RAB31: variants seen among roughly 807,000 people sequenced by gnomAD.
RAB31 encodes the protein ras-related protein Rab-31.
RAB31 carries 21 observed loss-of-function variants against 25.6 expected under a neutral mutation model. That is an observed-to-expected ratio of 0.82 (90% CI 0.58 to 1.18). RAB31 has a LOEUF of 1.18. RAB31 is among the 50% of genes most tolerant of loss of function. The pLI is 0.00. For synonymous variants in RAB31, 87 were observed against 84.0 expected, an observed-to-expected ratio of 1.04 and a Z score of -0.20; for missense variants, 196 against 250.1, an observed-to-expected ratio of 0.78 and a Z score of 1.46.
At chr18:9,748,211 A>G (rs1053906745) in intron 1 of RAB31, among the ~76,000 whole-genome samples, 2 of 152,002 alleles carry the variant, frequency 1.3e-5, no homozygotes, top group African/African-American at 4.8e-5. Context: ...AAAACATTAT[A>G]TTTGTCTGGG....
At chr18:9,721,867 C>T (rs1185050125) in intron 1 of RAB31, among the ~76,000 whole-genome samples, 1 of 151,894 alleles carries the variant, frequency 6.6e-6, no homozygotes, top group Admixed American at 6.6e-5. Flanking sequence ...AGGAAGGGCC[C>T]TGGGCATGCT....
chr18:9,739,763 C>T lies in RAB31; in HGVS notation c.39+31319C>T, dbSNP rs933220324. Among the ~76,000 whole-genome samples the T allele has an allele frequency of 7.2e-5, 11 of 152,288 alleles. 1 individual carries two copies. In the South Asian group the frequency reaches 2.3e-3, roughly 32 times the overall value. On this transcript the variant is annotated intron_variant, in intron 1 of 6. Transcript: ENST00000578921. ...GCTTGTGGGGTCATCACATTGTATA[C>T]TCTCCTGTCCTGTGTGCCAGCACCT...
Position 9,852,016 on chromosome 18 carries a change from G to A in RAB31, c.490+6325G>A, listed in dbSNP as rs943660799. ...ATTATTCCAAGAATATATCCTTCTT[G>A]GAAGGATACATATCAAAATGTTAAC... On this transcript the variant is annotated intron_variant, in intron 6 of 6. Transcript: ENST00000578921. Among the ~76,000 whole-genome samples, 8 of 150,724 alleles carry A rather than the reference G, an allele frequency of 5.3e-5. No individual in the cohort carries two copies. In the East Asian group the frequency reaches 1.4e-3, roughly 26 times the overall value.
intron 5 of RAB31, among the ~76,000 whole-genome samples, chr18:9,825,130 AG>A (rs1375636411): frequency 6.6e-6 from 1 of 152,186 alleles, no homozygotes; most frequent in African/African-American, 2.4e-5. Context: ...CAGAGTTGCA[AG>A]AAAATAAGAA....
At chr18:9,778,053 T>A (rs1233401221) in intron 2 of RAB31, among the ~76,000 whole-genome samples, 2 of 152,096 alleles carry the variant, frequency 1.3e-5, no homozygotes, top group Admixed American at 1.3e-4. Context: ...GCACCCGGCC[T>A]GTAATGACCT....
Position 9,708,485 on chromosome 18 carries a change from G to A in RAB31, c.39+41G>A. On this transcript the variant is annotated intron_variant, in intron 1 of 6. Transcript: ENST00000578921. The surrounding 1 kb of genome is among the most constrained non-coding windows in gnomAD (Gnocchi z 6.4). Reference sequence around the variant, plus strand: ...CACCCGCCGGCGGACCCCGGCCCGCGCTCTCGCGCCCCTTCGCTCCCCTAT... The same window carrying A: ...CACCCGCCGGCGGACCCCGGCCCGCACTCTCGCGCCCCTTCGCTCCCCTAT... The A allele has an allele frequency of 2.6e-6, 4 of 1,525,154 alleles. No individual in the cohort carries two copies. Among genetic ancestry groups the A allele is most frequent in the Non-Finnish European group, 2.6e-6 (3 of 1,133,774 alleles). 94.5% of individuals were successfully genotyped at this position (1,525,154 alleles called of 1,614,324 possible).
Position 9,761,848 on chromosome 18 carries a change from C to T in RAB31, c.40-13430C>T, listed in dbSNP as rs558471616. On this transcript the variant is annotated intron_variant, in intron 1 of 6. Transcript: ENST00000578921. ...TTTAAGACAGAGTCTTGCTCTGTTG[C>T]CCAGGCTGGAGTGCAGTGGTGTGAT... 7.2e-5 allele frequency among the ~76,000 whole-genome samples: 11 copies of T among 152,302 alleles called. No individual in the cohort carries two copies. In the Middle Eastern group the frequency reaches 0.017, roughly 235 times the overall value.
In RAB31 at chr18:9,827,909, G is replaced by A. The variant is rs113371017; in HGVS notation, c.380+12687G>A. 7.6e-3 allele frequency among the ~76,000 whole-genome samples: 1,151 copies of A among 152,282 alleles called. 20 individuals carry two copies. The highest frequency in any genetic ancestry group is 0.026 in the African/African-American group (1,092 of 41,546). On this transcript the variant is annotated intron_variant, in intron 5 of 6. Coordinates refer to ENST00000578921, the MANE Select transcript of RAB31 (RefSeq NM_006868.4). ...GGTGGGGAAGTATCTGATGAGCAAT[G>A]TAAGACTGTATTTAATGAAGTTCCA...
chr18:9,806,483 C>T (rs1022690954), intron 3 of RAB31, among the ~76,000 whole-genome samples: 2 of 150,318 alleles, frequency 1.3e-5, no homozygotes, highest in Non-Finnish European at 1.5e-5. Context: ...AGGGAAGGTG[C>T]GGAGGCTCGG....
chr18:9,786,064 G>A (rs2068430876), intron 2 of RAB31, among the ~76,000 whole-genome samples: 1 of 151,654 alleles, frequency 6.6e-6, no homozygotes, highest in African/African-American at 2.4e-5. Context: ...AAGAGAGAAA[G>A]AGAAAGAGAG....
rs972089591 is a variant in RAB31 at position 9,775,481 on chromosome 18, C to T, written c.119+124C>T. 3 of 1,501,308 alleles carry T rather than the reference C, an allele frequency of 2.0e-6. No homozygotes were observed. The African/African-American group carries it at 4.2e-5, about 21-fold the overall frequency. The allele number at this position is 1,501,308 out of a possible 1,614,324, so 93.0% of individuals were successfully genotyped here. ...TTCATCCCAGCCAGTGAGAATCAAT[C>T]CCAGCTGTAGACCGACAGAAATTCA... On this transcript the variant is annotated intron_variant, in intron 2 of 6. Transcript: ENST00000578921.
At chr18:9,813,977 G>A (rs981786741) in intron 3 of RAB31, 43 bp from the exon 4 acceptor site, 10 of 1,356,514 alleles carry the variant, frequency 7.4e-6, no homozygotes, top group Non-Finnish European at 1.0e-5. Context: ...ATTGAATAAA[G>A]TCTGTTCACT....
At chr18:9,778,892 A>G (rs1258101480) in intron 2 of RAB31, among the ~76,000 whole-genome samples, 1 of 152,262 alleles carries the variant, frequency 6.6e-6, no homozygotes, top group Non-Finnish European at 1.5e-5. Context: ...TATATACTGT[A>G]TTCTTACAAT....
chr18:9,857,757 G>A (rs926294979), intron 6 of RAB31, among the ~76,000 whole-genome samples: 1 of 151,730 alleles, frequency 6.6e-6, no homozygotes, highest in Non-Finnish European at 1.5e-5. Context: ...CCTAGGCCTG[G>A]TGGCTCATAC....
At chr18:9,795,111 G>C (rs1226427897) in intron 3 of RAB31, among the ~76,000 whole-genome samples, 2 of 152,124 alleles carry the variant, frequency 1.3e-5, no homozygotes, top group Non-Finnish European at 2.9e-5. Flanking sequence ...ACTGATCTTT[G>C]ACAAAACAAA....
chr18:9,772,278 C>T (rs1284163707), intron 1 of RAB31, among the ~76,000 whole-genome samples: 1 of 151,796 alleles, frequency 6.6e-6, no homozygotes, highest in Non-Finnish European at 1.5e-5. Flanking sequence ...ACTGAGCAAG[C>T]ACCTGCAGCC....
chr18:9,780,992 CCTCG>C (rs1168488251), intron 2 of RAB31, among the ~76,000 whole-genome samples: 1 of 152,016 alleles, frequency 6.6e-6, no homozygotes, highest in East Asian at 1.9e-4. Context: ...TTATGATGTA[CCTCG>C]TTGGGCATAG....
At chr18:9,716,022 TG>T (rs1299737344) in intron 1 of RAB31, among the ~76,000 whole-genome samples, 1 of 152,200 alleles carries the variant, frequency 6.6e-6, no homozygotes, top group African/African-American at 2.4e-5. Context: ...ATCAAACATA[TG>T]GTCCATGTTC....
chr18:9,832,665 A>C (rs562038741), intron 5 of RAB31, among the ~76,000 whole-genome samples: 28 of 152,328 alleles, frequency 1.8e-4, no homozygotes, highest in African/African-American at 6.3e-4. Context: ...GACCACGTGG[A>C]GGACAAGGAC....
Sources: gnomAD v4.1 joint callset for allele counts (sites outside exome capture counted in the v4.1 genomes callset) on GRCh38, gnomAD v4.1.1 for gene constraint, Gnocchi (gnomAD v3.1) non-coding constraint, MANE v1.5 for transcripts, NCBI Gene and HGNC (gene_info 2026-07-23, HGNC 2026-07-21) for gene names.